Variants in MBNL1 observed in about 807,000 individuals in gnomAD.
MBNL1 encodes the protein muscleblind-like protein 1.
MBNL1 carries 8 observed loss-of-function variants against 42.2 expected under a neutral mutation model. The observed-to-expected ratio is 0.19, with a 90% confidence interval of 0.11 to 0.34. The LOEUF is 0.34. MBNL1 is among the 10% of genes least tolerant of loss of function. MBNL1 has a pLI of 1.00. For synonymous variants in MBNL1, 169 were observed against 173.9 expected, an observed-to-expected ratio of 0.97 and a Z score of 0.22; for missense variants, 309 against 495.3, an observed-to-expected ratio of 0.62 and a Z score of 3.57.
At chr3:152,333,077 A>C (rs958659484) in intron 2 of MBNL1, among the ~76,000 whole-genome samples, 1 of 152,138 alleles carries the variant, frequency 6.6e-6, no homozygotes, top group South Asian at 2.1e-4. Context: ...CTCTAAACTC[A>C]TAATTATTGT....
intron 2 of MBNL1, among the ~76,000 whole-genome samples, chr3:152,402,402 C>CA (rs1250428315): frequency 5.3e-5 from 8 of 152,330 alleles, no homozygotes; most frequent in African/African-American, 1.9e-4. Context: ...CCCAAAGTCT[C>CA]ACTGTTCATA....
chr3:152,262,284 A>G (rs1462226234), intron 2 of MBNL1, among the ~76,000 whole-genome samples: 1 of 152,238 alleles, frequency 6.6e-6, no homozygotes, highest in Non-Finnish European at 1.5e-5. Context: ...AAAGAAACAG[A>G]TATATGAAAC....
chr3:152,375,396 A>C (rs1474433471), intron 2 of MBNL1, among the ~76,000 whole-genome samples: 1 of 152,214 alleles, frequency 6.6e-6, no homozygotes, highest in Non-Finnish European at 1.5e-5. Flanking sequence ...TGAATTATGC[A>C]TACAAATATT....
intron 1 of MBNL1, among the ~76,000 whole-genome samples, chr3:152,271,112 T>C (rs936813122): frequency 5.3e-5 from 8 of 152,198 alleles, no homozygotes; most frequent in African/African-American, 1.7e-4. Context: ...TGCGCAGTCA[T>C]GCCAAAGAGA....
At chr3:152,330,209 G>C (rs2083380234) in intron 2 of MBNL1, among the ~76,000 whole-genome samples, 1 of 152,056 alleles carries the variant, frequency 6.6e-6, no homozygotes, top group South Asian at 2.1e-4. Context: ...CAAACTTCTG[G>C]GTTCAAGCGA....
chr3:152,275,707 C>CA (rs60796721), intron 1 of MBNL1, among the ~76,000 whole-genome samples: 6,179 of 29,554 alleles, frequency 0.21, 1,185 homozygotes, highest in East Asian at 0.27. Context: ...ACTCTTGTCT[C>CA]AAAAAAAAAA....
intron 2 of MBNL1, among the ~76,000 whole-genome samples, chr3:152,330,904 A>G (rs952278712): frequency 2.6e-5 from 4 of 152,084 alleles, no homozygotes; most frequent in African/African-American, 9.7e-5. Flanking sequence ...CTTGGAATGT[A>G]TTCCCCATAG....
intron 2 of MBNL1, among the ~76,000 whole-genome samples, chr3:152,319,715 A>G (rs1484647507): frequency 6.7e-6 from 1 of 150,024 alleles, no homozygotes; most frequent in Non-Finnish European, 1.5e-5. Context: ...ATAAAATGAC[A>G]TGGAAGACAA....
At chr3:152,334,600 T>G (rs2088145647) in intron 2 of MBNL1, among the ~76,000 whole-genome samples, 1 of 152,200 alleles carries the variant, frequency 6.6e-6, no homozygotes, top group South Asian at 2.1e-4. Flanking sequence ...CATTAGAATT[T>G]TCAGTAAAAT....
rs991819191 is a variant in MBNL1 at position 152,262,918 on chromosome 3, C to T, written n.333+18478C>T. On this transcript the variant is annotated intron_variant and non_coding_transcript_variant, in intron 2 of 2. Transcript: ENST00000477171. ...ATCCGTTTAGTTTATTGAAAGACCA[C>T]GATTGCATATTTACTTGTCTTTAAC... is the stretch of plus-strand genomic sequence containing the variant. 6 of 152,152 alleles carry T rather than the reference C, an allele frequency of 3.9e-5. No homozygotes were observed. In the East Asian group the frequency reaches 5.8e-4, roughly 15 times the overall value. 9.4% of individuals were successfully genotyped at this position (152,152 alleles called of 1,614,324 possible).
At chr3:152,375,521 G>T (rs1315097536) in intron 2 of MBNL1, among the ~76,000 whole-genome samples, 3 of 152,148 alleles carry the variant, frequency 2.0e-5, no homozygotes, top group African/African-American at 7.2e-5. Context: ...AGGCCAAGTG[G>T]GGAGGATCAC....
intron 4 of MBNL1, among the ~76,000 whole-genome samples, chr3:152,439,303 G>T (rs2099117351): frequency 6.6e-6 from 1 of 152,158 alleles, no homozygotes; most frequent in African/African-American, 2.4e-5. Flanking sequence ...TAGAATGACA[G>T]TGAAAAGCAT....
intron 2 of MBNL1, among the ~76,000 whole-genome samples, chr3:152,320,761 G>A (rs1224216220): frequency 6.8e-6 from 1 of 146,830 alleles, no homozygotes; most frequent in Non-Finnish European, 1.5e-5. Context: ...TGTTTATTAC[G>A]AGAGGAACAT....
chr3:152,386,126 G>T (rs896124391), intron 2 of MBNL1, among the ~76,000 whole-genome samples: 4 of 151,880 alleles, frequency 2.6e-5, no homozygotes, highest in African/African-American at 9.7e-5. Flanking sequence ...TATAAATCTA[G>T]AGTACTTTGG....
chr3:152,329,225 A>G (rs576297486), intron 2 of MBNL1, among the ~76,000 whole-genome samples: 6 of 152,284 alleles, frequency 3.9e-5, no homozygotes, highest in Admixed American at 1.3e-4. Flanking sequence ...TAATATCAAA[A>G]TTTAAATTTT....
intron 2 of MBNL1, among the ~76,000 whole-genome samples, chr3:152,402,908 G>C (rs913878044): frequency 3.9e-5 from 6 of 152,104 alleles, no homozygotes; most frequent in African/African-American, 1.4e-4. Flanking sequence ...CCTCCTTCTG[G>C]AGGCTGTCAC....
intron 2 of MBNL1, among the ~76,000 whole-genome samples, chr3:152,303,234 G>A (rs991252051): frequency 6.6e-6 from 1 of 152,022 alleles, no homozygotes; most frequent in Non-Finnish European, 1.5e-5. Context: ...AGTAAAATGG[G>A]AATACATGAC....
At chr3:152,249,909 G>T (rs1328448841) in intron 2 of MBNL1, among the ~76,000 whole-genome samples, 1 of 148,668 alleles carries the variant, frequency 6.7e-6, no homozygotes, top group Non-Finnish European at 1.5e-5. Context: ...TCTCAGGTTT[G>T]TCAAAGATCA....
intron 2 of MBNL1, among the ~76,000 whole-genome samples, chr3:152,397,406 G>A (rs987183573): frequency 8.6e-5 from 13 of 151,874 alleles, no homozygotes; most frequent in African/African-American, 3.1e-4. Flanking sequence ...CCCTCCCTTC[G>A]TCCATGTGTT....
Sources: gnomAD v4.1 joint callset for allele counts (sites outside exome capture counted in the v4.1 genomes callset) on GRCh38, gnomAD v4.1.1 for gene constraint, MANE v1.5 for transcripts, NCBI Gene and HGNC (gene_info 2026-07-23, HGNC 2026-07-21) for gene names.